TRIM71: variants seen among roughly 807,000 people sequenced by gnomAD.
TRIM71 encodes the protein tripartite motif containing 71.
In TRIM71, 9 loss-of-function variants were observed where a neutral mutation model predicts 61.2. That is an observed-to-expected ratio of 0.15 (90% CI 0.09 to 0.26). The LOEUF (loss-of-function observed/expected upper bound fraction) is 0.26. Among genes scored for constraint, TRIM71 ranks in the 10% least tolerant of loss-of-function variants. The probability of loss-of-function intolerance (pLI) is 1.00; values close to 1 mark genes in which losing one functional copy is unlikely to be tolerated. For missense variants in TRIM71, 998 were observed against 1,238.7 expected (o/e 0.81, Z 2.92); for synonymous variants, 645 against 553.2 (o/e 1.17, Z -2.33).
At chr3:32,873,625 T>C (rs1465691993) in intron 1 of TRIM71, among the ~76,000 whole-genome samples, 193 bp from the exon 2 acceptor site, 2 of 151,978 alleles carry the variant, frequency 1.3e-5, no homozygotes, top group East Asian at 3.9e-4. Context: ...GCAGAGAGAG[T>C]GGGAGAAAAA....
chr3:32,864,079 CTGAT>C (rs1202213839), intron 1 of TRIM71, among the ~76,000 whole-genome samples: 2 of 152,008 alleles, frequency 1.3e-5, no homozygotes, highest in Admixed American at 6.5e-5. Context: ...ACATCCAAGA[CTGAT>C]TGATTGAGGC....
chr3:32,819,803 T>C (rs1696107322), intron 1 of TRIM71, among the ~76,000 whole-genome samples: 1 of 152,182 alleles, frequency 6.6e-6, no homozygotes, highest in Non-Finnish European at 1.5e-5. Flanking sequence ...TTAGGAGGTA[T>C]CCACCCGGCT....
At position 32,856,621 on chromosome 3, in the gene TRIM71, C is replaced by T. The variant is rs915980114; in HGVS notation, c.853-17197C>T. On this transcript the variant is annotated intron_variant, in intron 1 of 3. Transcript: ENST00000383763. Reference sequence around the variant, plus strand: ...TAAGAGTGGAGTCACTGGCCTCCTGCAGAGGAATTTGGGACATGTAGGGTC... The same window carrying T: ...TAAGAGTGGAGTCACTGGCCTCCTGTAGAGGAATTTGGGACATGTAGGGTC... 2.0e-5 allele frequency among the ~76,000 whole-genome samples: 3 copies of T among 152,192 alleles called. 1 individual carries two copies. The highest frequency in any genetic ancestry group is 7.2e-5 in the African/African-American group (3 of 41,458).
rs1393637600 is a variant in TRIM71, at chr3:32,890,652, T to C, written c.1448T>C (p.Phe483Ser). The change falls in exon 4 of 4, where the codon TTT becomes TCT. Residue 483 changes from phenylalanine to serine, a missense_variant. Phe to Ser is a radical substitution (Grantham distance 155). Coordinates refer to ENST00000383763, the MANE Select transcript of TRIM71 (RefSeq NM_001039111.3). The surrounding 1 kb of genome is among the most constrained non-coding windows in gnomAD (Gnocchi z 6.2). ...TTTGGCTTTGTTAGCAGCGGGGCCT[T>C]TGCCCCACTCACCAAGGCCACAGGC... ...KSFGFVSSGAFAPLTKATGDG... is the reference protein window; with the variant it reads ...KSFGFVSSGASAPLTKATGDG... The C allele has an allele frequency of 1.2e-6, 2 of 1,613,802 alleles. No individual in the cohort carries two copies. Among genetic ancestry groups the C allele is most frequent in the Non-Finnish European group, 1.7e-6 (2 of 1,180,052 alleles).
At chr3:32,871,649 G>A (rs1696796665) in intron 1 of TRIM71, among the ~76,000 whole-genome samples, 1 of 152,190 alleles carries the variant, frequency 6.6e-6, no homozygotes, top group South Asian at 2.1e-4. Flanking sequence ...CTTTTGATTA[G>A]TATTTATACT....
intron 1 of TRIM71, among the ~76,000 whole-genome samples, chr3:32,821,234 C>T (rs577305933): frequency 2.0e-5 from 3 of 152,304 alleles, no homozygotes; most frequent in African/African-American, 7.2e-5. Flanking sequence ...ATCTGGACTG[C>T]GATACACTGA....
intron 1 of TRIM71, among the ~76,000 whole-genome samples, chr3:32,864,964 C>T (rs1473616367): frequency 6.6e-6 from 1 of 151,830 alleles, no homozygotes; most frequent in African/African-American, 2.4e-5. Flanking sequence ...CTGCCGGAAT[C>T]CCCTCCTCTC....
At chr3:32,834,125 G>A (rs1262291036) in intron 1 of TRIM71, among the ~76,000 whole-genome samples, 1 of 152,146 alleles carries the variant, frequency 6.6e-6, no homozygotes, top group African/African-American at 2.4e-5. Context: ...TGGAGCTTTG[G>A]GGCTCAGAGT....
chr3:32,869,162 T>C (rs942522739), intron 1 of TRIM71, among the ~76,000 whole-genome samples: 9 of 152,180 alleles, frequency 5.9e-5, no homozygotes, highest in African/African-American at 2.2e-4. Context: ...CTCATTTGCT[T>C]CTGGAACCTG....
At chr3:32,829,945 T>TTTC (rs1553643480) in intron 1 of TRIM71, among the ~76,000 whole-genome samples, 11 of 141,210 alleles carry the variant, frequency 7.8e-5, no homozygotes, top group South Asian at 2.3e-4. Context: ...TTTTTTTTTT[T>TTTC]CGAGATGGAG....
chr3:32,819,982 C>T (rs936013056), intron 1 of TRIM71, among the ~76,000 whole-genome samples: 3 of 152,138 alleles, frequency 2.0e-5, no homozygotes, highest in African/African-American at 7.2e-5. Flanking sequence ...TTCTCCTTTC[C>T]ACTTTGGTAT....
intron 1 of TRIM71, among the ~76,000 whole-genome samples, chr3:32,820,068 G>C (rs1224780348): frequency 6.6e-6 from 1 of 152,234 alleles, no homozygotes; most frequent in Non-Finnish European, 1.5e-5. Flanking sequence ...CTTGCCGAGG[G>C]GGTCGGTAAC....
intron 1 of TRIM71, among the ~76,000 whole-genome samples, chr3:32,848,085 C>G (rs1696495637): frequency 6.6e-6 from 1 of 152,182 alleles, no homozygotes; most frequent in African/African-American, 2.4e-5. Context: ...GACACGCAGT[C>G]TTCCACAGAT....
rs1697068752 is a variant in TRIM71, at chr3:32,895,550, G to A, written c.*3739G>A. The A allele has an allele frequency of 6.6e-6, 1 of 152,150 alleles. No homozygotes were observed. Among genetic ancestry groups the A allele is most frequent in the East Asian group, 1.9e-4 (1 of 5,200 alleles). The allele number at this position is 152,150 out of a possible 1,614,324, so 9.4% of individuals were successfully genotyped here. On this transcript the variant is annotated 3_prime_UTR_variant, in exon 4 of 4. Transcript: ENST00000383763. ...TGTTCTGGTAGGTGGTGAAAGATATGCCAAAGTTTTAGGCTTGTTTTTCTG... is the reference window on the plus strand; with the variant it reads ...TGTTCTGGTAGGTGGTGAAAGATATACCAAAGTTTTAGGCTTGTTTTTCTG...
At chr3:32,879,539 A>G (rs1430655560) in intron 2 of TRIM71, among the ~76,000 whole-genome samples, 2 of 152,166 alleles carry the variant, frequency 1.3e-5, no homozygotes, top group African/African-American at 2.4e-5. Flanking sequence ...TCAGCACACC[A>G]GATAAAATAA....
intron 1 of TRIM71, among the ~76,000 whole-genome samples, chr3:32,870,975 T>TTC (rs1344495647): frequency 1.3e-5 from 2 of 151,896 alleles, no homozygotes; most frequent in African/African-American, 4.8e-5. Context: ...GCAATTTTTT[T>TTC]TTTTTTTTTT....
chr3:32,878,498 C>A (rs533281505), intron 2 of TRIM71, among the ~76,000 whole-genome samples: 3 of 152,250 alleles, frequency 2.0e-5, no homozygotes, highest in African/African-American at 7.2e-5. Flanking sequence ...GCCTGTAATC[C>A]CAGCTACTTG....
At chr3:32,852,290 G>A (rs796100286) in intron 1 of TRIM71, among the ~76,000 whole-genome samples, 6 of 152,310 alleles carry the variant, frequency 3.9e-5, no homozygotes, top group African/African-American at 1.4e-4. Flanking sequence ...TCTGACCAGA[G>A]GGAGGGTGGG....
At chr3:32,850,555 C>T (rs1258810342) in intron 1 of TRIM71, among the ~76,000 whole-genome samples, 1 of 152,202 alleles carries the variant, frequency 6.6e-6, no homozygotes, top group Non-Finnish European at 1.5e-5. Context: ...ATGTTTTAGT[C>T]ATCCTGATGA....
Sources: allele counts gnomAD v4.1 joint callset (sites outside exome capture counted in the v4.1 genomes callset), GRCh38; gene constraint gnomAD v4.1.1; non-coding constraint Gnocchi (gnomAD v3.1); transcripts MANE v1.5; gene names NCBI Gene and HGNC (gene_info 2026-07-23, HGNC 2026-07-21).